The following HERC5 variants were observed in gnomAD, a reference collection of about 807,000 sequenced individuals.
The protein encoded by HERC5 is E3 ISG15--protein ligase HERC5.
In HERC5, 99 loss-of-function variants were observed where a neutral mutation model predicts 119.6. The observed-to-expected ratio is 0.83, with a 90% confidence interval of 0.70 to 0.98. The LOEUF is 0.98. Ranked by LOEUF, HERC5 falls within the 50% of genes least tolerant of loss-of-function variation. The pLI is 0.00. For missense variants in HERC5, 1,267 were observed against 1,241.3 expected (o/e 1.02, Z -0.31); for synonymous variants, 478 against 445.9 (o/e 1.07, Z -0.91).
At chr4:88,484,925 T>C (rs1270816807) in intron 13 of HERC5, among the ~76,000 whole-genome samples, 1 of 152,214 alleles carries the variant, frequency 6.6e-6, no homozygotes, top group Non-Finnish European at 1.5e-5. Flanking sequence ...TTACAGCTTT[T>C]CCTGTATTTC....
intron 13 of HERC5, 101 bp downstream of exon 13, chr4:88,479,608 G>T: frequency 1.1e-6 from 1 of 901,222 alleles, no homozygotes. Flanking sequence ...TGAGACATAC[G>T]AAGTTTATAT....
At chr4:88,470,253 AT>A (rs1740824247) in intron 9 of HERC5, among the ~76,000 whole-genome samples, 1 of 152,198 alleles carries the variant, frequency 6.6e-6, no homozygotes. Context: ...CTGGTAATTT[AT>A]TTCTACTTCA....
chr4:88,505,999 A>C lies in HERC5; in HGVS notation c.*121A>C. 1 of 751,964 alleles carries C rather than the reference A, an allele frequency of 1.3e-6. No homozygotes were observed. The highest frequency in any genetic ancestry group is 2.2e-6 in the Non-Finnish European group (1 of 460,130). The allele number at this position is 751,964 out of a possible 1,614,324, so 46.6% of individuals were successfully genotyped here. On this transcript the variant is annotated 3_prime_UTR_variant, in exon 23 of 23. Coordinates refer to ENST00000264350, the MANE Select transcript of HERC5 (RefSeq NM_016323.4). ...TAGCAGCCTGAAGCCATGGTTTTTC[A>C]TTTCTGTCTCTAGTGATAAGCAGGA...
chr4:88,499,103 G>C (rs1741879768), intron 18 of HERC5, among the ~76,000 whole-genome samples: 1 of 152,108 alleles, frequency 6.6e-6, no homozygotes, highest in Non-Finnish European at 1.5e-5. Flanking sequence ...AAATTTAACT[G>C]TGCTCTTTTA....
intron 11 of HERC5, among the ~76,000 whole-genome samples, chr4:88,474,683 CAG>C (rs1740996806): frequency 6.6e-6 from 1 of 152,128 alleles, no homozygotes; most frequent in Admixed American, 6.5e-5. Context: ...GCTTTGGAGT[CAG>C]AAAGATCCAG....
chr4:88,477,954 T>G (rs1419824222), intron 12 of HERC5, among the ~76,000 whole-genome samples: 1 of 152,236 alleles, frequency 6.6e-6, no homozygotes, highest in Non-Finnish European at 1.5e-5. Context: ...ACGAACGATT[T>G]TTAATTTAAT....
chr4:88,496,952 G>C (rs866836511), intron 18 of HERC5, among the ~76,000 whole-genome samples: 3 of 152,094 alleles, frequency 2.0e-5, no homozygotes, highest in Non-Finnish European at 4.4e-5. Flanking sequence ...GCCCAAGGGA[G>C]CCTGTTCGCC....
chr4:88,460,078 G>A lies in HERC5; in HGVS notation c.390-17G>A, dbSNP rs775962643. On this transcript the variant is annotated splice_polypyrimidine_tract_variant and intron_variant, in intron 2 of 22. Transcript: ENST00000264350. ...TTCATTATGGTGATTAACACAAAGTGTATTTTCCTTCATCAGGTTTGAAAG... is the reference window on the plus strand; with the variant it reads ...TTCATTATGGTGATTAACACAAAGTATATTTTCCTTCATCAGGTTTGAAAG... The A allele has an allele frequency of 3.0e-6, 4 of 1,348,082 alleles. No individual in the cohort carries two copies. The Admixed American group carries it at 5.2e-5, about 17-fold the overall frequency. 83.5% of individuals were successfully genotyped at this position (1,348,082 alleles called of 1,614,324 possible). A position where few individuals can be genotyped will look rare whatever the true frequency, so the allele number is the denominator to read the frequency against.
chr4:88,491,854 G>GT (rs1325347326), intron 16 of HERC5, among the ~76,000 whole-genome samples: 1 of 152,066 alleles, frequency 6.6e-6, no homozygotes, highest in Non-Finnish European at 1.5e-5. Flanking sequence ...GAATGGAGGG[G>GT]TGACTGAAGG....
At position 88,457,478 on chromosome 4, in the gene HERC5, G is replaced by A; in HGVS notation, c.209G>A (p.Gly70Glu). The change falls in exon 1 of 23, where the codon GGG (glycine) becomes GAG (glutamate). Residue 70 changes from glycine (G) to glutamate (E), a missense_variant. By Grantham distance (98) the Gly-to-Glu change is moderately conservative (BLOSUM62 -2). This residue lies in a region of HERC5 where 777 missense variants were observed against 758.0 expected (regional missense o/e 1.03). Transcript: ENST00000264350. Reference sequence around the variant, plus strand: ...CGCCTCGCGGTCTTGGAACGCGGCGGGGCGGGCGTCCAGGTTCACCAGCTG... The same window carrying A: ...CGCCTCGCGGTCTTGGAACGCGGCGAGGCGGGCGTCCAGGTTCACCAGCTG... ...PGRLAVLERG[G>E]AGVQVHQLLA... The A allele has an allele frequency of 2.3e-6, 3 of 1,324,012 alleles. No individual in the cohort carries two copies. The highest frequency in any genetic ancestry group is 1.9e-6 in the Non-Finnish European group (2 of 1,037,796). 82.0% of individuals were successfully genotyped at this position (1,324,012 alleles called of 1,614,324 possible). A position where few individuals can be genotyped will look rare whatever the true frequency, so the allele number is the denominator to read the frequency against.
chr4:88,486,039 GATA>G (rs1741450481), intron 13 of HERC5, 73 bp from the exon 14 acceptor site: 28 of 767,842 alleles, frequency 3.6e-5, no homozygotes, highest in Non-Finnish European at 5.9e-5. Flanking sequence ...AATTTAATCT[GATA>G]ATCTAATTAA....
At chr4:88,483,153 G>A (rs1171104787) in intron 13 of HERC5, among the ~76,000 whole-genome samples, 1 of 151,966 alleles carries the variant, frequency 6.6e-6, no homozygotes, top group Admixed American at 6.6e-5. Context: ...TTTTTTTCAT[G>A]GACTATTCTT....
At chr4:88,496,917 T>C (rs1741811060) in intron 18 of HERC5, among the ~76,000 whole-genome samples, 1 of 152,040 alleles carries the variant, frequency 6.6e-6, no homozygotes, top group Non-Finnish European at 1.5e-5. Flanking sequence ...CCCTCATGAG[T>C]AGAATTCATT....
intron 8 of HERC5, among the ~76,000 whole-genome samples, chr4:88,468,661 T>C (rs1170029248): frequency 6.6e-6 from 1 of 152,200 alleles, no homozygotes; most frequent in Non-Finnish European, 1.5e-5. Context: ...TACTTACCTT[T>C]TGGGGGCTAC....
intron 13 of HERC5, 78 bp downstream of exon 13, chr4:88,479,585 A>G: frequency 8.0e-7 from 1 of 1,242,550 alleles, no homozygotes; most frequent in Non-Finnish European, 1.1e-6. Context: ...TTGAATCTTT[A>G]AGTAGACTCG....
intron 13 of HERC5, among the ~76,000 whole-genome samples, chr4:88,485,561 C>T (rs529025542): frequency 2.6e-5 from 4 of 152,296 alleles, no homozygotes; most frequent in Admixed American, 1.3e-4. Context: ...TTCAGGATAA[C>T]GCCCATCCAA....
chr4:88,457,299 G>A lies in HERC5; in HGVS notation c.30G>A (p.Arg10=), dbSNP rs1740181458. 7.3e-7 allele frequency: 1 copy of A among 1,367,194 alleles called. No homozygotes were observed. Among genetic ancestry groups the A allele is most frequent in the Admixed American group, 3.6e-5 (1 of 27,420 alleles). The allele number at this position is 1,367,194 out of a possible 1,614,324, so 84.7% of individuals were successfully genotyped here. Residue 10 remains arginine (R), a synonymous_variant, in exon 1 of 23, where the codon CGG becomes CGA. Coordinates refer to ENST00000264350, the MANE Select transcript of HERC5 (RefSeq NM_016323.4). MERRSRRKS[R]RNGRSTAGKA... is the part of the protein sequence containing the mutation. ...AGCGGAGGTCGCGGAGGAAGTCGCGGCGCAACGGGCGCTCGACCGCGGGCA... is the reference window on the plus strand; with the variant it reads ...AGCGGAGGTCGCGGAGGAAGTCGCGACGCAACGGGCGCTCGACCGCGGGCA...
intron 6 of HERC5, among the ~76,000 whole-genome samples, chr4:88,464,782 T>A (rs540891812): frequency 7.2e-5 from 11 of 152,164 alleles, no homozygotes; most frequent in African/African-American, 1.7e-4. Flanking sequence ...ATTTATTATT[T>A]TTTTTTGAGA....
Position 88,463,871 on chromosome 4 carries a change from CT to C in HERC5, c.800del (p.Phe267SerfsTer18), listed in dbSNP as rs1180512997. 10 of 1,613,918 alleles carry C rather than the reference CT, an allele frequency of 6.2e-6. No individual in the cohort carries two copies. The highest frequency in any genetic ancestry group is 7.6e-6 in the Non-Finnish European group (9 of 1,179,982). On this transcript the variant is annotated frameshift_variant, in exon 6 of 23. Transcript: ENST00000264350. LOFTEE classifies it high-confidence loss of function. ...ALLTQDGLLF[T>X]FGAGKHGQLG... ...TTTCCTTAGGATGGGCTGCTGTTTA[CT>C]TTCGGTGCTGGAAAACATGGGCAAC... is the stretch of plus-strand genomic sequence containing the variant.
Sources: allele counts gnomAD v4.1 joint callset (sites outside exome capture counted in the v4.1 genomes callset), GRCh38; gene constraint gnomAD v4.1.1; regional missense constraint gnomAD v4.1.1; transcripts MANE v1.5; gene names NCBI Gene and HGNC (gene_info 2026-07-23, HGNC 2026-07-21).